CAMKMT: variants seen among roughly 807,000 people sequenced by gnomAD.
CAMKMT encodes the protein calmodulin-lysine N-methyltransferase.
CAMKMT carries 53 observed loss-of-function variants against 48.0 expected under a neutral mutation model. That is an observed-to-expected ratio of 1.10 (90% CI 0.89 to 1.39). The LOEUF is 1.39. CAMKMT is among the 40% of genes most tolerant of loss of function. The probability of loss-of-function intolerance (pLI) is 0.00; values close to 1 mark genes in which losing one functional copy is unlikely to be tolerated. For synonymous variants in CAMKMT, 165 were observed against 152.3 expected, an observed-to-expected ratio of 1.08 and a Z score of -0.61; for missense variants, 428 against 402.7, an observed-to-expected ratio of 1.06 and a Z score of -0.54.
intron 3 of CAMKMT, among the ~76,000 whole-genome samples, chr2:44,595,583 T>C (rs1001835635): frequency 6.6e-6 from 1 of 152,240 alleles, no homozygotes; most frequent in Non-Finnish European, 1.5e-5. Context: ...AAGTAATTTA[T>C]AGATTCAGTG....
chr2:44,564,436 A>G (rs1668500898), intron 3 of CAMKMT, among the ~76,000 whole-genome samples: 1 of 152,140 alleles, frequency 6.6e-6, no homozygotes, highest in Non-Finnish European at 1.5e-5. Flanking sequence ...CGGCCTCCCA[A>G]AGTGCTGTTA....
intron 3 of CAMKMT, among the ~76,000 whole-genome samples, chr2:44,457,476 G>T (rs1243793212): frequency 1.4e-5 from 2 of 148,142 alleles, no homozygotes; most frequent in Admixed American, 1.4e-4. Context: ...TTGGCTCACT[G>T]CAACCTCCAC....
intron 3 of CAMKMT, among the ~76,000 whole-genome samples, chr2:44,452,979 T>C (rs1450458498): frequency 6.6e-6 from 1 of 152,054 alleles, no homozygotes; most frequent in African/African-American, 2.4e-5. Context: ...TATGGTGAAT[T>C]ATTATACATT....
At chr2:44,709,430 T>C (rs1031366311) in intron 6 of CAMKMT, among the ~76,000 whole-genome samples, 1 of 152,200 alleles carries the variant, frequency 6.6e-6, no homozygotes, top group Non-Finnish European at 1.5e-5. Flanking sequence ...TTGTTCTGTG[T>C]TTGTATGCCT....
chr2:44,431,537 A>G (rs572836085), intron 3 of CAMKMT, among the ~76,000 whole-genome samples: 1 of 152,278 alleles, frequency 6.6e-6, no homozygotes, highest in East Asian at 1.9e-4. Flanking sequence ...CATTTTCATT[A>G]GTGCAATAGA....
At chr2:44,488,183 GC>G (rs1323253822) in intron 3 of CAMKMT, among the ~76,000 whole-genome samples, 1 of 152,134 alleles carries the variant, frequency 6.6e-6, no homozygotes, top group Non-Finnish European at 1.5e-5. Flanking sequence ...GTGTAAGTTT[GC>G]CAGTATATAA....
chr2:44,448,503 T>G (rs917422289), intron 3 of CAMKMT, among the ~76,000 whole-genome samples: 2 of 152,222 alleles, frequency 1.3e-5, no homozygotes, highest in African/African-American at 4.8e-5. Context: ...ATTTAACTAT[T>G]TAAGTATTGC....
chr2:44,666,195 G>GA (rs1674955660), intron 3 of CAMKMT, among the ~76,000 whole-genome samples: 1 of 152,100 alleles, frequency 6.6e-6, no homozygotes, highest in Non-Finnish European at 1.5e-5. Flanking sequence ...AAATGTGAGG[G>GA]AAAAAATTGT....
intron 3 of CAMKMT, among the ~76,000 whole-genome samples, chr2:44,636,204 G>A (rs1488395844): frequency 6.6e-6 from 1 of 152,196 alleles, no homozygotes; most frequent in African/African-American, 2.4e-5. Context: ...TAAGGGAGCA[G>A]AACTGGGCAG....
At chr2:44,565,546 A>G (rs191416482) in intron 3 of CAMKMT, among the ~76,000 whole-genome samples, 7 of 152,294 alleles carry the variant, frequency 4.6e-5, no homozygotes, top group Non-Finnish European at 7.4e-5. Flanking sequence ...AAACTTCAGG[A>G]ATAAACAGAT....
chr2:44,465,720 A>G (rs1349144223), intron 3 of CAMKMT, among the ~76,000 whole-genome samples: 2 of 152,164 alleles, frequency 1.3e-5, no homozygotes, highest in African/African-American at 4.8e-5. Context: ...TGTTTACTTT[A>G]AACTCCTTAA....
chr2:44,753,878 G>A (rs920647718), intron 8 of CAMKMT, among the ~76,000 whole-genome samples, 177 bp from the exon 9 acceptor site: 9 of 152,194 alleles, frequency 5.9e-5, no homozygotes, highest in African/African-American at 2.2e-4. Flanking sequence ...GGATAACACT[G>A]ACCACAATAT....
At chr2:44,388,286 A>C (rs979516797) in intron 2 of CAMKMT, among the ~76,000 whole-genome samples, 1 of 152,148 alleles carries the variant, frequency 6.6e-6, no homozygotes, top group Non-Finnish European at 1.5e-5. Flanking sequence ...CTACTTATTC[A>C]ATTCTATTGT....
At chr2:44,469,039 A>G (rs1268386314) in intron 3 of CAMKMT, among the ~76,000 whole-genome samples, 2 of 152,218 alleles carry the variant, frequency 1.3e-5, no homozygotes, top group African/African-American at 4.8e-5. Flanking sequence ...AGTAGGGTGA[A>G]GGAAGGTATT....
chr2:44,574,810 G>A (rs1435068548), intron 3 of CAMKMT, among the ~76,000 whole-genome samples: 4 of 151,918 alleles, frequency 2.6e-5, no homozygotes, highest in Non-Finnish European at 2.9e-5. Flanking sequence ...GCGCGGTCTC[G>A]GCTCACAGCA....
At chr2:44,433,984 A>G (rs1684800611) in intron 3 of CAMKMT, among the ~76,000 whole-genome samples, 1 of 152,186 alleles carries the variant, frequency 6.6e-6, no homozygotes, top group Admixed American at 6.5e-5. Context: ...AGTTGTTTGT[A>G]AGCTGTGCTG....
intron 3 of CAMKMT, among the ~76,000 whole-genome samples, chr2:44,464,664 G>A (rs541290596): frequency 6.6e-6 from 1 of 152,234 alleles, no homozygotes; most frequent in Admixed American, 6.5e-5. Flanking sequence ...GTCAGAAAGA[G>A]TTGGAAGATA....
In CAMKMT at chr2:44,526,681, T is replaced by C. The variant is rs1009386100; in HGVS notation, c.376+136376T>C. On this transcript the variant is annotated intron_variant, in intron 3 of 10. Transcript: ENST00000378494. ...TCCCTCTGTTTGGGCCCTCAACTGATTGGATGATGCCCACCTACACTGGCA... is the reference window on the plus strand; with the variant it reads ...TCCCTCTGTTTGGGCCCTCAACTGACTGGATGATGCCCACCTACACTGGCA... Among the ~76,000 whole-genome samples, 4 of 152,138 alleles carry C rather than the reference T, an allele frequency of 2.6e-5. 1 individual carries two copies. The highest frequency in any genetic ancestry group is 9.7e-5 in the African/African-American group (4 of 41,444).
intron 2 of CAMKMT, among the ~76,000 whole-genome samples, chr2:44,381,709 T>C (rs534994208): frequency 6.6e-6 from 1 of 152,260 alleles, no homozygotes; most frequent in African/African-American, 2.4e-5. Flanking sequence ...TTATAATTGG[T>C]GAATAACAAA....
Sources: allele counts gnomAD v4.1 joint callset (sites outside exome capture counted in the v4.1 genomes callset), GRCh38; gene constraint gnomAD v4.1.1; transcripts MANE v1.5; gene names NCBI Gene and HGNC (gene_info 2026-07-23, HGNC 2026-07-21).